Variants in RAD54L2 observed in about 807,000 individuals in gnomAD.
RAD54L2 encodes helicase ARIP4.
A neutral mutation model predicts 138.4 loss-of-function variants in RAD54L2; 27 were observed. The ratio of observed to expected loss-of-function variants is 0.20; its 90% CI spans 0.14 to 0.27. The LOEUF (loss-of-function observed/expected upper bound fraction) is 0.27, where lower values mean the gene tolerates loss of function less well. RAD54L2 is among the 10% of genes least tolerant of loss of function. The pLI is 1.00. For synonymous variants in RAD54L2, 644 were observed against 723.2 expected (o/e 0.89, Z 1.76); for missense variants, 1,396 against 1,890.2 (o/e 0.74, Z 4.85).
intron 3 of RAD54L2, among the ~76,000 whole-genome samples, chr3:51,612,598 A>G (rs1377528496): frequency 5.3e-5 from 8 of 152,038 alleles, no homozygotes; most frequent in African/African-American, 1.7e-4. Flanking sequence ...TGTATTCTAG[A>G]TATACTAATC....
intron 2 of RAD54L2, among the ~76,000 whole-genome samples, chr3:51,558,624 C>T (rs1313691053): frequency 1.3e-5 from 2 of 152,114 alleles, no homozygotes; most frequent in Non-Finnish European, 2.9e-5. Flanking sequence ...ACATGTACCA[C>T]TATGCCTGGC....
intron 2 of RAD54L2, among the ~76,000 whole-genome samples, chr3:51,555,582 G>A (rs567484133): frequency 1.3e-5 from 2 of 152,234 alleles, no homozygotes; most frequent in African/African-American, 2.4e-5. Context: ...CTTGAACCTG[G>A]GGGAGGCGGA....
At chr3:51,621,072 G>T (rs28678093) in intron 3 of RAD54L2, among the ~76,000 whole-genome samples, 4,270 of 151,674 alleles carry the variant, frequency 0.028, 187 homozygotes, top group African/African-American at 0.096. Context: ...TTTAATTATA[G>T]AATTTTTGAA....
chr3:51,573,400 T>C (rs1292614512), intron 2 of RAD54L2, among the ~76,000 whole-genome samples: 1 of 152,172 alleles, frequency 6.6e-6, no homozygotes, highest in African/African-American at 2.4e-5. Context: ...TAATTTGTTA[T>C]TAACTAACTA....
At chr3:51,614,881 A>T (rs1700410553) in intron 3 of RAD54L2, among the ~76,000 whole-genome samples, 1 of 151,440 alleles carries the variant, frequency 6.6e-6, no homozygotes, top group South Asian at 2.1e-4. Context: ...TAATGCTATG[A>T]TGATTTTTTT....
chr3:51,644,994 G>T, intron 16 of RAD54L2, 30 bp from the exon 17 acceptor site: 1 of 1,610,704 alleles, frequency 6.2e-7, no homozygotes, highest in Non-Finnish European at 8.5e-7. Context: ...AAGACTAAAG[G>T]CTCTGTGATT....
intron 3 of RAD54L2, among the ~76,000 whole-genome samples, chr3:51,618,257 G>A (rs1233933591): frequency 2.0e-5 from 3 of 151,788 alleles, no homozygotes; most frequent in Admixed American, 6.6e-5. Context: ...GATTACAGGC[G>A]TGAGTCACTG....
intron 3 of RAD54L2, among the ~76,000 whole-genome samples, chr3:51,596,591 A>G (rs1699967735): frequency 6.6e-6 from 1 of 152,172 alleles, no homozygotes; most frequent in South Asian, 2.1e-4. Flanking sequence ...TTCTAGATAT[A>G]TGTAAAATCT....
chr3:51,595,152 C>T (rs1699933766), intron 3 of RAD54L2, among the ~76,000 whole-genome samples: 1 of 152,092 alleles, frequency 6.6e-6, no homozygotes, highest in South Asian at 2.1e-4. Context: ...AGACATGAGC[C>T]ACCGTGCCTG....
intron 2 of RAD54L2, among the ~76,000 whole-genome samples, chr3:51,564,873 T>A (rs1195933420): frequency 2.0e-5 from 3 of 152,218 alleles, no homozygotes; most frequent in African/African-American, 7.2e-5. Context: ...GAGCATGTAG[T>A]GCATGTTATT....
chr3:51,649,026 A>G (rs1406096588), intron 19 of RAD54L2, among the ~76,000 whole-genome samples: 1 of 152,170 alleles, frequency 6.6e-6, no homozygotes, highest in South Asian at 2.1e-4. Context: ...AGGATGTTCA[A>G]ACCCATTGCA....
At chr3:51,559,947 T>C (rs952839458) in intron 2 of RAD54L2, among the ~76,000 whole-genome samples, 18 of 152,330 alleles carry the variant, frequency 1.2e-4, no homozygotes, top group Non-Finnish European at 1.8e-4. Flanking sequence ...TTCACATCTA[T>C]GTAGGATTTG....
At chr3:51,633,872 ACT>A (rs767307034) in intron 8 of RAD54L2, 28 bp from the exon 9 acceptor site, 5 of 1,607,632 alleles carry the variant, frequency 3.1e-6, no homozygotes, top group East Asian at 4.5e-5. Flanking sequence ...GTTCCATAAA[ACT>A]CTCTTTTTGG....
At chr3:51,656,297 A>G (rs1701598396) in intron 20 of RAD54L2, 127 bp downstream of exon 20, 1 of 863,164 alleles carries the variant, frequency 1.2e-6, no homozygotes, top group African/African-American at 1.7e-5. Flanking sequence ...TTGGTAAAAA[A>G]TAGGGAAGAC....
chr3:51,542,260 G>T (rs1482682450), intron 2 of RAD54L2, among the ~76,000 whole-genome samples: 2 of 152,174 alleles, frequency 1.3e-5, no homozygotes, highest in African/African-American at 4.8e-5. Flanking sequence ...TTTGAGGGTG[G>T]TCAGTGCTGG....
At chr3:51,592,068 T>G (rs868548813) in intron 3 of RAD54L2, among the ~76,000 whole-genome samples, 180 of 121,756 alleles carry the variant, frequency 1.5e-3, no homozygotes, top group Non-Finnish European at 2.0e-3. Context: ...TTTTTTTTTT[T>G]TTTTTTTTTT....
At chr3:51,547,180 T>G (rs1360324943) in intron 2 of RAD54L2, among the ~76,000 whole-genome samples, 1 of 151,956 alleles carries the variant, frequency 6.6e-6, no homozygotes, top group Non-Finnish European at 1.5e-5. Context: ...AGAGCTTGTC[T>G]CTACAAAAAA....
At chr3:51,615,521 A>T (rs1052909049) in intron 3 of RAD54L2, among the ~76,000 whole-genome samples, 4 of 152,208 alleles carry the variant, frequency 2.6e-5, no homozygotes, top group Admixed American at 6.5e-5. Flanking sequence ...AGCTCATTTA[A>T]AATTAATTAT....
chr3:51,559,330 C>T (rs1208239936), intron 2 of RAD54L2, among the ~76,000 whole-genome samples: 1 of 152,182 alleles, frequency 6.6e-6, no homozygotes, highest in Non-Finnish European at 1.5e-5. Flanking sequence ...GAGGGTAGAA[C>T]ATTTGGCTTT....
Sources: gnomAD v4.1 joint callset for allele counts (sites outside exome capture counted in the v4.1 genomes callset) on GRCh38, gnomAD v4.1.1 for gene constraint, MANE v1.5 for transcripts, NCBI Gene and HGNC (gene_info 2026-07-23, HGNC 2026-07-21) for gene names.